The following LAMA2 variants were observed in gnomAD, a reference collection of about 807,000 sequenced individuals.
LAMA2 encodes laminin subunit alpha 2, also known as laminin subunit alpha-2.
Under a neutral mutation model 364.8 loss-of-function variants are expected in LAMA2, and 269 were observed. The ratio of observed to expected loss-of-function variants is 0.74; its 90% CI spans 0.67 to 0.82. The LOEUF is 0.82. Ranked by LOEUF, LAMA2 falls within the 40% of genes least tolerant of loss-of-function variation. LAMA2 has a pLI of 0.00. For synonymous variants in LAMA2, 1,379 were observed against 1,370.6 expected (o/e 1.01, Z -0.14); for missense variants, 3,807 against 3,873.2 (o/e 0.98, Z 0.45).
At chr6:129,320,507 A>G (rs760489457) in intron 27 of LAMA2, 31 bp from the exon 28 acceptor site, 23 of 1,229,362 alleles carry the variant, frequency 1.9e-5, no homozygotes, top group African/African-American at 3.0e-5. Context: ...TGACTGTCAT[A>G]GTAATCTAAG....
At chr6:129,005,156 T>C (rs1283908851) in intron 1 of LAMA2, among the ~76,000 whole-genome samples, 5 of 152,208 alleles carry the variant, frequency 3.3e-5, no homozygotes, top group African/African-American at 1.2e-4. Context: ...CATTAAGGTT[T>C]CTTTCCCAAA....
rs1033551406 is a variant in LAMA2, at chr6:128,952,584, G to A, written c.112+69227G>A. On this transcript the variant is annotated intron_variant, in intron 1 of 64. Coordinates refer to ENST00000421865, the MANE Select transcript of LAMA2 (RefSeq NM_000426.4). ...GCAATTTCATCTATATTTAGGAGAT[G>A]TTTACAGGTGTTATATTTTATAATG... Among the ~76,000 whole-genome samples the A allele has an allele frequency of 7.9e-5, 12 of 152,194 alleles. No homozygotes were observed. In the South Asian group the frequency reaches 1.5e-3, roughly 18 times the overall value.
intron 4 of LAMA2, among the ~76,000 whole-genome samples, chr6:129,112,679 A>T (rs1174328059): frequency 6.6e-6 from 1 of 151,884 alleles, no homozygotes; most frequent in African/African-American, 2.4e-5. Flanking sequence ...AATAAGTCAG[A>T]GAAAAGATCT....
chr6:129,148,142 T>C (rs7767990), intron 6 of LAMA2, among the ~76,000 whole-genome samples: 40,174 of 151,864 alleles, frequency 0.26, 6,967 homozygotes, highest in African/African-American at 0.5. Context: ...AGTGAAAAAA[T>C]GCATATGCCA....
chr6:129,124,477 G>A (rs1201964327), intron 4 of LAMA2, among the ~76,000 whole-genome samples: 1 of 152,218 alleles, frequency 6.6e-6, no homozygotes, highest in East Asian at 1.9e-4. Flanking sequence ...CACTGTGAGT[G>A]GAGGCATCAG....
intron 1 of LAMA2, among the ~76,000 whole-genome samples, chr6:128,982,470 A>T (rs1466476086): frequency 1.3e-5 from 2 of 152,124 alleles, no homozygotes; most frequent in African/African-American, 2.4e-5. Flanking sequence ...AAAACATAAC[A>T]TTGAGTGAAT....
chr6:129,170,657 GT>G (rs1423856938), intron 9 of LAMA2, among the ~76,000 whole-genome samples: 1 of 151,802 alleles, frequency 6.6e-6, no homozygotes, highest in Non-Finnish European at 1.5e-5. Context: ...GGGGTGGAGA[GT>G]TCTGTAGATG....
intron 37 of LAMA2, among the ~76,000 whole-genome samples, chr6:129,400,803 A>G (rs1190964079): frequency 1.3e-5 from 2 of 152,206 alleles, no homozygotes; most frequent in Non-Finnish European, 2.9e-5. Context: ...TTCAAATTTC[A>G]CAGAACTCCC....
chr6:129,393,064 A>G lies in LAMA2; in HGVS notation c.5254A>G (p.Lys1752Glu), dbSNP rs1272516104. 1.9e-6 allele frequency: 3 copies of G among 1,613,706 alleles called. No individual in the cohort carries two copies. Among genetic ancestry groups the G allele is most frequent in the Non-Finnish European group, 1.7e-6 (2 of 1,179,828 alleles). ...DELVAAEALL[K>E]KVKKLFGESR... ...TTACAGAGCTGCAGAAGCCCTTCTG[A>G]AAAAAGTGAAGAAGCTGTTTGGAGA... Residue 1752 changes from lysine (K) to glutamate (E), a missense_variant, in exon 37 of 65, where the codon AAA becomes GAA. This residue lies in a region of LAMA2 where 3,333 missense variants were observed against 3,345.7 expected (regional missense o/e 1.00). Coordinates refer to ENST00000421865, the MANE Select transcript of LAMA2 (RefSeq NM_000426.4).
At chr6:129,309,947 TG>T (rs1774109657) in intron 22 of LAMA2, among the ~76,000 whole-genome samples, 2 of 148,012 alleles carry the variant, frequency 1.4e-5, no homozygotes, top group African/African-American at 5.1e-5. Flanking sequence ...TCACCCAGGC[TG>T]GAGTGCAGTG....
Position 129,319,507 on chromosome 6 carries a change from T to A in LAMA2, c.4059-1031T>A, listed in dbSNP as rs965644903. 2.6e-5 allele frequency among the ~76,000 whole-genome samples: 4 copies of A among 152,210 alleles called. No homozygotes were observed. In the East Asian group the frequency reaches 7.7e-4, roughly 29 times the overall value. ...GGAAGCAAAAATGCAATATTAGGATTTGGTACATGAGCCCCAGAAATTTAA... is the reference window on the plus strand; with the variant it reads ...GGAAGCAAAAATGCAATATTAGGATATGGTACATGAGCCCCAGAAATTTAA... On this transcript the variant is annotated intron_variant, in intron 27 of 64. Transcript: ENST00000421865.
intron 12 of LAMA2, among the ~76,000 whole-genome samples, chr6:129,220,803 C>T (rs1027638316): frequency 2.0e-5 from 3 of 152,104 alleles, no homozygotes; most frequent in Admixed American, 6.5e-5. Context: ...TATAATGGGA[C>T]CTGTGTATTT....
At chr6:128,901,496 A>T (rs1436960802) in intron 1 of LAMA2, among the ~76,000 whole-genome samples, 1 of 152,150 alleles carries the variant, frequency 6.6e-6, no homozygotes, top group African/African-American at 2.4e-5. Flanking sequence ...ACCATACTTA[A>T]AAGGTTAGTG....
At chr6:129,222,565 T>A (rs1783934452) in intron 12 of LAMA2, among the ~76,000 whole-genome samples, 1 of 145,880 alleles carries the variant, frequency 6.9e-6, no homozygotes, top group South Asian at 2.2e-4. Context: ...ATTGTTCAGT[T>A]CCCACCTATG....
At chr6:129,118,631 A>G (rs1041954303) in intron 4 of LAMA2, among the ~76,000 whole-genome samples, 1 of 152,248 alleles carries the variant, frequency 6.6e-6, no homozygotes, top group Non-Finnish European at 1.5e-5. Context: ...TGTTGCATTT[A>G]AAGTTGGAAA....
chr6:129,266,985 C>T (rs1455318466), intron 15 of LAMA2, 121 bp from the exon 16 acceptor site: 22 of 769,024 alleles, frequency 2.9e-5, no homozygotes, highest in Middle Eastern at 2.7e-4. Flanking sequence ...AATGCTTTGA[C>T]AAGCACATTT....
At chr6:129,453,670 G>GGGAT (rs1227644207) in intron 46 of LAMA2, among the ~76,000 whole-genome samples, 2 of 152,096 alleles carry the variant, frequency 1.3e-5, no homozygotes, top group East Asian at 3.9e-4. Flanking sequence ...TGCATGCATG[G>GGGAT]GGATTTTCCA....
intron 4 of LAMA2, among the ~76,000 whole-genome samples, chr6:129,119,107 ATCC>A (rs1776652676): frequency 6.6e-6 from 1 of 152,206 alleles, no homozygotes; most frequent in Admixed American, 6.6e-5. Context: ...TTTGGCATAT[ATCC>A]TCCTAGATTT....
intron 12 of LAMA2, among the ~76,000 whole-genome samples, chr6:129,197,207 T>A (rs1392213955): frequency 6.6e-6 from 1 of 152,166 alleles, no homozygotes; most frequent in Non-Finnish European, 1.5e-5. Flanking sequence ...TGCAAAGCTG[T>A]CTCTTGGGGA....
Sources: allele counts gnomAD v4.1 joint callset (sites outside exome capture counted in the v4.1 genomes callset), GRCh38; gene constraint gnomAD v4.1.1; regional missense constraint gnomAD v4.1.1; transcripts MANE v1.5; gene names NCBI Gene and HGNC (gene_info 2026-07-23, HGNC 2026-07-21).